PDE4D: variants seen among roughly 807,000 people sequenced by gnomAD.
PDE4D encodes phosphodiesterase 4D, also known as 3',5'-cyclic-AMP phosphodiesterase 4D.
PDE4D carries 24 observed loss-of-function variants against 87.4 expected under a neutral mutation model. The ratio of observed to expected loss-of-function variants is 0.27; its 90% CI spans 0.20 to 0.39. The LOEUF (loss-of-function observed/expected upper bound fraction) is 0.39, where lower values mean the gene tolerates loss of function less well. PDE4D is among the 10% of genes least tolerant of loss of function. The pLI, the probability that PDE4D is intolerant of heterozygous loss-of-function variation, is 1.00. For missense variants in PDE4D, 714 were observed against 1,041.0 expected (o/e 0.69, Z 4.32); for synonymous variants, 384 against 383.2 (o/e 1.00, Z -0.02).
intron 1 of PDE4D, among the ~76,000 whole-genome samples, chr5:60,314,582 T>C (rs1260661590): frequency 1.3e-5 from 2 of 152,062 alleles, no homozygotes; most frequent in Admixed American, 6.6e-5. Context: ...GTATGCTGCA[T>C]CCATTAACTC....
chr5:59,275,807 T>G, intron 1 of PDE4D: 1 of 986,066 alleles, frequency 1.0e-6, no homozygotes, highest in Non-Finnish European at 1.2e-6. Context: ...AGAGCGCAGG[T>G]AGAGAGAGAG....
chr5:59,459,378 T>G (rs1800408577), intron 1 of PDE4D, among the ~76,000 whole-genome samples: 1 of 152,202 alleles, frequency 6.6e-6, no homozygotes, highest in African/African-American at 2.4e-5. Flanking sequence ...GTTCCAACAG[T>G]GCTTACCTGT....
At chr5:60,502,240 G>C (rs1183009430) in intron 1 of PDE4D, among the ~76,000 whole-genome samples, 13 of 151,268 alleles carry the variant, frequency 8.6e-5, no homozygotes, top group Non-Finnish European at 1.9e-4. Context: ...GTTTTCCCAG[G>C]ACCATTTATT....
intron 1 of PDE4D, among the ~76,000 whole-genome samples, chr5:60,417,480 A>G (rs530223974): frequency 6.6e-6 from 1 of 152,222 alleles, no homozygotes; most frequent in African/African-American, 2.4e-5. Flanking sequence ...CAAAGAAGCT[A>G]ACACACTTGT....
intron 1 of PDE4D, among the ~76,000 whole-genome samples, chr5:60,399,242 T>C (rs1193490367): frequency 1.3e-5 from 2 of 152,198 alleles, no homozygotes; most frequent in Non-Finnish European, 2.9e-5. Flanking sequence ...TCAAGAAAGC[T>C]ATAAAGAAAA....
At position 58,974,572 on chromosome 5, in the gene PDE4D, G is replaced by C; in HGVS notation, c.*92C>G. 8.4e-7 allele frequency: 1 copy of C among 1,185,360 alleles called. No individual in the cohort carries two copies. Among genetic ancestry groups the C allele is most frequent in the Non-Finnish European group, 1.2e-6 (1 of 844,268 alleles). The allele number at this position is 1,185,360 out of a possible 1,614,324, so 73.4% of individuals were successfully genotyped here. A position where few individuals can be genotyped will look rare whatever the true frequency, so the allele number is the denominator to read the frequency against. On this transcript the variant is annotated 3_prime_UTR_variant, in exon 15 of 15. Transcript: ENST00000340635. ...TCAACAAACGTCCTGGCAGATGACA[G>C]TGAGGTGTGACCGTGGTTGTGGCAT... is the stretch of plus-strand genomic sequence containing the variant.
chr5:59,954,699 G>A (rs925500670), intron 3 of PDE4D, among the ~76,000 whole-genome samples: 10 of 152,114 alleles, frequency 6.6e-5, no homozygotes, highest in Non-Finnish European at 1.3e-4. Flanking sequence ...ACCATGTCAG[G>A]TAAGAGAGCA....
chr5:59,155,774 G>A (rs576672855), intron 5 of PDE4D, among the ~76,000 whole-genome samples: 28 of 152,258 alleles, frequency 1.8e-4, no homozygotes, highest in African/African-American at 6.0e-4. Flanking sequence ...TTGACTTAGA[G>A]CAGGAGGGAG....
chr5:59,808,569 T>C (rs1767991067), intron 1 of PDE4D, among the ~76,000 whole-genome samples: 1 of 151,348 alleles, frequency 6.6e-6, no homozygotes, highest in South Asian at 2.1e-4. Context: ...TGTTACATCT[T>C]GATCTATGAC....
intron 2 of PDE4D, among the ~76,000 whole-genome samples, chr5:60,108,133 C>T (rs867935475): frequency 2.5e-4 from 38 of 151,856 alleles, no homozygotes; most frequent in Admixed American, 7.2e-4. Flanking sequence ...CCAAAATCTC[C>T]TTAAGCTGAT....
At chr5:59,866,292 T>G (rs1360770130) in intron 1 of PDE4D, among the ~76,000 whole-genome samples, 1 of 152,224 alleles carries the variant, frequency 6.6e-6, no homozygotes, top group Non-Finnish European at 1.5e-5. Flanking sequence ...CTACAATATT[T>G]TCACCTTGGC....
At chr5:59,117,702 A>G (rs757532765) in intron 5 of PDE4D, among the ~76,000 whole-genome samples, 5 of 152,188 alleles carry the variant, frequency 3.3e-5, no homozygotes, top group Non-Finnish European at 7.4e-5. Flanking sequence ...TTAAAGATTC[A>G]AGAATTCTGC....
At chr5:59,233,642 T>G (rs1412337196) in intron 1 of PDE4D, among the ~76,000 whole-genome samples, 1 of 152,156 alleles carries the variant, frequency 6.6e-6, no homozygotes, top group African/African-American at 2.4e-5. Context: ...GGATATTACC[T>G]GGGGCATCCT....
chr5:60,432,272 A>G (rs1744406903), intron 1 of PDE4D, among the ~76,000 whole-genome samples: 1 of 152,180 alleles, frequency 6.6e-6, no homozygotes, highest in Admixed American at 6.5e-5. Flanking sequence ...GCCTCATAGA[A>G]TGAGTTAGGG....
intron 1 of PDE4D, among the ~76,000 whole-genome samples, chr5:59,416,100 C>T (rs1793560710): frequency 6.6e-6 from 1 of 152,200 alleles, no homozygotes. Flanking sequence ...TTGTTAATCT[C>T]CCTACTCTCT....
chr5:59,249,118 C>A (rs941691895), intron 1 of PDE4D, among the ~76,000 whole-genome samples: 1 of 151,830 alleles, frequency 6.6e-6, no homozygotes, highest in Admixed American at 6.6e-5. Flanking sequence ...AGAACTCTTG[C>A]AAAAAGTAAA....
At chr5:60,287,251 G>A (rs904307311) in intron 1 of PDE4D, among the ~76,000 whole-genome samples, 2 of 152,268 alleles carry the variant, frequency 1.3e-5, no homozygotes, top group Non-Finnish European at 2.9e-5. Flanking sequence ...TCAGCACAAA[G>A]CAGTGTATAA....
At chr5:59,125,141 C>A (rs1324534842) in intron 5 of PDE4D, 1 of 255,218 alleles carries the variant, frequency 3.9e-6, no homozygotes, top group African/African-American at 2.3e-5. Flanking sequence ...CCTAGTGTTG[C>A]ATTACAGCAG....
rs34236719 is a variant in PDE4D, at chr5:60,143,603, TTGTGTGTGTGTG to T, written c.42+41942_42+41953del. On this transcript the variant is annotated intron_variant, in intron 2 of 16. Transcript: ENST00000502484. ...AAATGACCTAGGAGCAGCTTGGGAA[TTGTGTGTGTGTG>T]TGTGTGTGTGTGTGTGTGTGTGTGT... is the stretch of plus-strand genomic sequence containing the variant. Among the ~76,000 whole-genome samples the T allele has an allele frequency of 8.0e-4, 94 of 117,752 alleles. 1 individual carries two copies. Among genetic ancestry groups the T allele is most frequent in the African/African-American group, 1.9e-3 (57 of 30,156 alleles). The allele number at this position is 117,752 out of a possible 152,430, so 77.2% of individuals were successfully genotyped here.
Sources: gnomAD v4.1 joint callset for allele counts (sites outside exome capture counted in the v4.1 genomes callset) on GRCh38, gnomAD v4.1.1 for gene constraint, MANE v1.5 for transcripts, NCBI Gene and HGNC (gene_info 2026-07-23, HGNC 2026-07-21) for gene names.